SPAG17: variants seen among roughly 807,000 people sequenced by gnomAD.
The protein encoded by SPAG17 is sperm-associated antigen 17.
Under a neutral mutation model 273.6 loss-of-function variants are expected in SPAG17, and 169 were observed. The observed-to-expected ratio is 0.62, with a 90% CI of 0.55 to 0.70. SPAG17 has a LOEUF of 0.70. Ranked by LOEUF, SPAG17 falls within the 30% of genes least tolerant of loss-of-function variation. SPAG17 has a pLI of 0.00. For synonymous variants in SPAG17, 825 were observed against 873.2 expected (o/e 0.94, Z 0.97); for missense variants, 2,557 against 2,627.8 (o/e 0.97, Z 0.59).
intron 19 of SPAG17, among the ~76,000 whole-genome samples, chr1:118,054,320 G>A (rs1651407699): frequency 6.6e-6 from 1 of 151,920 alleles, no homozygotes; most frequent in African/African-American, 2.4e-5. Context: ...CATTCTCAGT[G>A]TGTTGATATG....
intron 47 of SPAG17, chr1:117,964,982 C>G (rs1017659186): frequency 6.6e-6 from 1 of 152,116 alleles, no homozygotes; most frequent in African/African-American, 2.4e-5. Flanking sequence ...ATCTTCTGCT[C>G]CACTCTCTTC....
chr1:118,127,028 G>C (rs1054922821), intron 3 of SPAG17, among the ~76,000 whole-genome samples: 1 of 152,046 alleles, frequency 6.6e-6, no homozygotes, highest in South Asian at 2.1e-4. Flanking sequence ...TCTCTATTCT[G>C]TTCCATTGGT....
At chr1:118,157,207 T>C (rs902168130) in intron 1 of SPAG17, among the ~76,000 whole-genome samples, 9 of 152,312 alleles carry the variant, frequency 5.9e-5, no homozygotes, top group Non-Finnish European at 1.2e-4. Flanking sequence ...GAGCTGCATG[T>C]CTAAGACTGA....
chr1:118,100,044 A>G (rs1655963032), intron 5 of SPAG17, among the ~76,000 whole-genome samples: 1 of 152,208 alleles, frequency 6.6e-6, no homozygotes, highest in South Asian at 2.1e-4. Flanking sequence ...GGCGTAATAG[A>G]AGGACAAACC....
intron 1 of SPAG17, among the ~76,000 whole-genome samples, chr1:118,180,745 T>C (rs1660902852): frequency 6.6e-6 from 1 of 151,902 alleles, no homozygotes; most frequent in South Asian, 2.1e-4. Context: ...AAAAATAAAA[T>C]TGATAAAAAA....
chr1:118,141,876 T>C (rs1006063238), intron 3 of SPAG17, among the ~76,000 whole-genome samples: 1 of 152,232 alleles, frequency 6.6e-6, no homozygotes, highest in Non-Finnish European at 1.5e-5. Flanking sequence ...AGAAGAATAA[T>C]GTATATTAGT....
At chr1:117,993,901 A>G (rs967306768) in intron 35 of SPAG17, among the ~76,000 whole-genome samples, 1 of 152,208 alleles carries the variant, frequency 6.6e-6, no homozygotes, top group South Asian at 2.1e-4. Flanking sequence ...CTTAACTGAC[A>G]TAATTACAAT....
intron 1 of SPAG17, among the ~76,000 whole-genome samples, chr1:118,158,173 T>C (rs1057154512): frequency 1.3e-5 from 2 of 152,238 alleles, no homozygotes; most frequent in African/African-American, 4.8e-5. Flanking sequence ...GAATGTATAA[T>C]AATTTTTTCA....
At chr1:117,978,167 G>T (rs1288087155) in intron 43 of SPAG17, among the ~76,000 whole-genome samples, 1 of 152,112 alleles carries the variant, frequency 6.6e-6, no homozygotes, top group Non-Finnish European at 1.5e-5. Flanking sequence ...CCTTACACAA[G>T]CAGTCCCTCC....
At chr1:118,157,555 G>T (rs1659715240) in intron 1 of SPAG17, among the ~76,000 whole-genome samples, 1 of 152,120 alleles carries the variant, frequency 6.6e-6, no homozygotes, top group Admixed American at 6.5e-5. Context: ...GCACAATGGG[G>T]CCAATGATCT....
intron 3 of SPAG17, among the ~76,000 whole-genome samples, chr1:118,144,939 T>C (rs554574275): frequency 2.0e-5 from 3 of 152,370 alleles, no homozygotes; most frequent in African/African-American, 7.2e-5. Context: ...TTAAACTAAC[T>C]GGCCTGCAAT....
At chr1:117,984,386 C>T (rs1484277430) in intron 41 of SPAG17, among the ~76,000 whole-genome samples, 2 of 152,184 alleles carry the variant, frequency 1.3e-5, no homozygotes, top group Admixed American at 1.3e-4. Context: ...AGGAAAGATT[C>T]TGCCTAAAAA....
intron 23 of SPAG17, among the ~76,000 whole-genome samples, chr1:118,037,961 T>A (rs1041052291): frequency 6.6e-6 from 1 of 152,074 alleles, no homozygotes; most frequent in African/African-American, 2.4e-5. Flanking sequence ...AAATGAACCA[T>A]GGAACAAAAG....
chr1:118,164,825 T>G (rs1200573899), intron 1 of SPAG17, among the ~76,000 whole-genome samples: 1 of 152,224 alleles, frequency 6.6e-6, no homozygotes, highest in East Asian at 1.9e-4. Flanking sequence ...TGTAAATTCT[T>G]GAGTCTGAAT....
chr1:118,059,223 T>C (rs961852622), intron 18 of SPAG17, among the ~76,000 whole-genome samples: 1 of 152,166 alleles, frequency 6.6e-6, no homozygotes, highest in Non-Finnish European at 1.5e-5. Flanking sequence ...TCCTTGGTCA[T>C]ATCATCTAGC....
At chr1:117,989,797 C>A (rs955187054) in intron 38 of SPAG17, among the ~76,000 whole-genome samples, 6 of 151,904 alleles carry the variant, frequency 3.9e-5, no homozygotes, top group Non-Finnish European at 8.8e-5. Context: ...CCAGGCTGGT[C>A]TCCAACACCT....
At chr1:118,132,497 CAGGCTTTATTA>C (rs1658107722) in intron 3 of SPAG17, among the ~76,000 whole-genome samples, 1 of 152,102 alleles carries the variant, frequency 6.6e-6, no homozygotes, top group African/African-American at 2.4e-5. Flanking sequence ...AGCAAAACCC[CAGGCTTTATTA>C]GATATTTTGG....
intron 43 of SPAG17, among the ~76,000 whole-genome samples, chr1:117,979,068 C>T (rs1316690559): frequency 6.6e-6 from 1 of 152,030 alleles, no homozygotes; most frequent in Non-Finnish European, 1.5e-5. Flanking sequence ...GGGGTTTCAG[C>T]ATGTTAGCCA....
intron 25 of SPAG17, among the ~76,000 whole-genome samples, chr1:118,031,177 CTTT>C (rs1015324627): frequency 7.3e-5 from 4 of 54,918 alleles, no homozygotes; most frequent in African/African-American, 3.2e-4. Context: ...GAGGACTACT[CTTT>C]TTTTTTTTTT....
Sources: gnomAD v4.1 joint callset for allele counts (sites outside exome capture counted in the v4.1 genomes callset) on GRCh38, gnomAD v4.1.1 for gene constraint, MANE v1.5 for transcripts, NCBI Gene and HGNC (gene_info 2026-07-23, HGNC 2026-07-21) for gene names.